The following CADM2 variants were observed in gnomAD, a reference collection of about 807,000 sequenced individuals.
CADM2 encodes the protein cell adhesion molecule 2.
A neutral mutation model predicts 49.8 loss-of-function variants in CADM2; 12 were observed. That is an observed-to-expected ratio of 0.24 (90% CI 0.15 to 0.39). The LOEUF (loss-of-function observed/expected upper bound fraction) is 0.39, where lower values mean the gene tolerates loss of function less well. Among genes scored for constraint, CADM2 ranks in the 10% least tolerant of loss-of-function variants. The probability of loss-of-function intolerance (pLI) is 1.00; values close to 1 mark genes in which losing one functional copy is unlikely to be tolerated. For missense variants in CADM2, 378 were observed against 492.3 expected (o/e 0.77, Z 2.20); for synonymous variants, 214 against 175.4 (o/e 1.22, Z -1.74).
chr3:86,057,635 A>G (rs971571929), intron 8 of CADM2, among the ~76,000 whole-genome samples: 2 of 152,188 alleles, frequency 1.3e-5, no homozygotes, highest in Non-Finnish European at 2.9e-5. Context: ...CTTTGGGGGA[A>G]GATAAAACTT....
intron 5 of CADM2, among the ~76,000 whole-genome samples, chr3:85,909,161 C>A (rs550327791): frequency 6.6e-6 from 1 of 152,158 alleles, no homozygotes; most frequent in Admixed American, 6.6e-5. Flanking sequence ...CCAGAAAACC[C>A]GAATATATTC....
intron 1 of CADM2, among the ~76,000 whole-genome samples, chr3:85,718,880 ATTTTAT>A (rs2067393547): frequency 8.1e-6 from 1 of 123,778 alleles, no homozygotes; most frequent in African/African-American, 3.1e-5. Flanking sequence ...AATTAATGGT[ATTTTAT>A]TATTATTATT....
intron 2 of CADM2, among the ~76,000 whole-genome samples, chr3:85,783,478 A>G (rs2070781400): frequency 6.6e-6 from 1 of 152,172 alleles, no homozygotes; most frequent in South Asian, 2.1e-4. Flanking sequence ...ATTGGTCCAG[A>G]CAGTAGAAAC....
At chr3:85,487,445 C>T (rs2039465768) in intron 1 of CADM2, among the ~76,000 whole-genome samples, 1 of 151,890 alleles carries the variant, frequency 6.6e-6, no homozygotes, top group African/African-American at 2.4e-5. Context: ...GTGGAAGGAT[C>T]ACTTGAGCCC....
At chr3:85,895,828 C>A (rs2108433268) in intron 5 of CADM2, among the ~76,000 whole-genome samples, 1 of 152,334 alleles carries the variant, frequency 6.6e-6, no homozygotes, top group South Asian at 2.1e-4. Context: ...CCTGTGCTTT[C>A]TGCCATGAGG....
chr3:85,813,824 G>A (rs1013403645), intron 3 of CADM2, among the ~76,000 whole-genome samples: 3 of 152,058 alleles, frequency 2.0e-5, no homozygotes, highest in Non-Finnish European at 4.4e-5. Context: ...GTTTGTGTCA[G>A]GTGTGTCAAA....
intron 1 of CADM2, among the ~76,000 whole-genome samples, chr3:85,323,858 G>A (rs1019580548): frequency 6.6e-6 from 1 of 152,164 alleles, no homozygotes; most frequent in Non-Finnish European, 1.5e-5. Flanking sequence ...AAGTACAGAT[G>A]TGATTAAGCC....
rs184358970 is a variant in CADM2, at chr3:85,955,351, C to T, written c.792-6118C>T. ...GGAAAAAGGAGAGACTGGAGAATTT[C>T]AAATTTTGCATAGTGTTTAACTCTG... On this transcript the variant is annotated intron_variant, in intron 7 of 9. Transcript: ENST00000383699. Among the ~76,000 whole-genome samples the T allele has an allele frequency of 1.1e-3, 164 of 151,530 alleles. 3 individuals are homozygous for T. The highest frequency in any genetic ancestry group is 0.011 in the Admixed American group (163 of 15,136).
intron 1 of CADM2, among the ~76,000 whole-genome samples, chr3:85,700,064 A>C (rs2066703245): frequency 1.3e-5 from 2 of 152,218 alleles, no homozygotes; most frequent in Non-Finnish European, 2.9e-5. Context: ...TATTCACAAA[A>C]GCAAAGACTT....
chr3:85,233,079 C>G (rs1343718160), intron 1 of CADM2, among the ~76,000 whole-genome samples: 1 of 151,970 alleles, frequency 6.6e-6, no homozygotes, highest in African/African-American at 2.4e-5. Context: ...AGCTATGAAG[C>G]CAAATAAAGA....
At chr3:85,634,316 A>T (rs773036230) in intron 1 of CADM2, among the ~76,000 whole-genome samples, 2 of 152,078 alleles carry the variant, frequency 1.3e-5, no homozygotes, top group African/African-American at 2.4e-5. Flanking sequence ...CTTGCTTCAT[A>T]TAGGTGTATA....
chr3:85,806,188 G>GAGGAAGGAAGGAAGGAAAGA (rs1400515754), intron 3 of CADM2, among the ~76,000 whole-genome samples: 2 of 145,388 alleles, frequency 1.4e-5, no homozygotes, highest in Non-Finnish European at 3.0e-5. Flanking sequence ...GGGAGGGAGG[G>GAGGAAGGAAGGAAGGAAAGA]AGGAAGGAAG....
chr3:85,754,520 T>C (rs183342891), intron 2 of CADM2, among the ~76,000 whole-genome samples: 4 of 152,332 alleles, frequency 2.6e-5, no homozygotes, highest in South Asian at 2.1e-4. Context: ...TCTTCTATAA[T>C]GTACCCTAGT....
intron 1 of CADM2, among the ~76,000 whole-genome samples, chr3:85,569,701 C>CAAAAAAAAAAAAAA (rs781598979): frequency 1.7e-5 from 2 of 114,716 alleles, no homozygotes; most frequent in Non-Finnish European, 3.3e-5. Context: ...TTTCTAATGG[C>CAAAAAAAAAAAAAA]AAAAAAAAAA....
At chr3:85,626,961 A>G (rs897052299) in intron 1 of CADM2, among the ~76,000 whole-genome samples, 117 of 152,086 alleles carry the variant, frequency 7.7e-4, no homozygotes, top group Admixed American at 7.6e-3. Context: ...TGCAGAGACT[A>G]CAAAATCAAG....
At chr3:85,805,814 A>AG (rs2072375684) in intron 3 of CADM2, among the ~76,000 whole-genome samples, 1 of 152,150 alleles carries the variant, frequency 6.6e-6, no homozygotes, top group South Asian at 2.1e-4. Flanking sequence ...CATGAGAGCA[A>AG]GAGAGAAAAG....
At chr3:85,959,036 C>CTATATCTA (rs149143118) in intron 7 of CADM2, among the ~76,000 whole-genome samples, 53,460 of 148,750 alleles carry the variant, frequency 0.36, 13,837 homozygotes, top group African/African-American at 0.74. Flanking sequence ...AAATCTATAT[C>CTATATCTA]TATATCTATA....
chr3:85,863,104 A>G (rs2075598056), intron 3 of CADM2, among the ~76,000 whole-genome samples: 2 of 152,172 alleles, frequency 1.3e-5, no homozygotes, highest in Non-Finnish European at 2.9e-5. Context: ...AGACATAAAT[A>G]TAGGCATTGT....
At chr3:85,205,085 G>A (rs982614467) in intron 1 of CADM2, among the ~76,000 whole-genome samples, 5 of 147,676 alleles carry the variant, frequency 3.4e-5, no homozygotes, top group Non-Finnish European at 5.9e-5. Context: ...TAGTGTAATC[G>A]TGGCTCACTG....
Sources: allele counts gnomAD v4.1 joint callset (sites outside exome capture counted in the v4.1 genomes callset), GRCh38; gene constraint gnomAD v4.1.1; transcripts MANE v1.5; gene names NCBI Gene and HGNC (gene_info 2026-07-23, HGNC 2026-07-21).